THSD7B: variants seen among roughly 807,000 people sequenced by gnomAD.
THSD7B encodes the protein thrombospondin type 1 domain containing 7B.
In THSD7B, 138 loss-of-function variants were observed where a neutral mutation model predicts 213.6. The ratio of observed to expected loss-of-function variants is 0.65; its 90% CI spans 0.56 to 0.74. THSD7B has a LOEUF of 0.74. Among genes scored for constraint, THSD7B ranks in the 30% least tolerant of loss-of-function variants. The pLI is 0.00. For synonymous variants in THSD7B, 742 were observed against 687.0 expected (o/e 1.08, Z -1.25); for missense variants, 1,931 against 1,991.5 (o/e 0.97, Z 0.58).
intron 12 of THSD7B, among the ~76,000 whole-genome samples, chr2:137,369,612 A>G (rs1310136059): frequency 1.3e-5 from 2 of 152,178 alleles, no homozygotes; most frequent in Non-Finnish European, 2.9e-5. Flanking sequence ...AAAGCAAACC[A>G]TTGCCTTTGC....
At chr2:137,360,477 A>C (rs1341795507) in intron 12 of THSD7B, among the ~76,000 whole-genome samples, 1 of 152,182 alleles carries the variant, frequency 6.6e-6, no homozygotes, top group Non-Finnish European at 1.5e-5. Context: ...AAGCCATGAC[A>C]GACTGTACCA....
intron 9 of THSD7B, among the ~76,000 whole-genome samples, chr2:137,235,141 G>A (rs896879095): frequency 3.9e-5 from 6 of 152,082 alleles, no homozygotes; most frequent in African/African-American, 9.7e-5. Context: ...AAGGTGTTAC[G>A]CAGACATGAG....
intron 19 of THSD7B, among the ~76,000 whole-genome samples, chr2:137,620,138 G>A (rs1323284884): frequency 1.3e-5 from 2 of 152,190 alleles, no homozygotes; most frequent in Non-Finnish European, 2.9e-5. Flanking sequence ...GACCATGATT[G>A]TTTTTAGCCC....
intron 2 of THSD7B, among the ~76,000 whole-genome samples, chr2:136,890,019 C>T (rs979209933): frequency 2.0e-5 from 3 of 152,108 alleles, no homozygotes; most frequent in Non-Finnish European, 4.4e-5. Flanking sequence ...GTGTGACATT[C>T]AAGGTTAAAA....
intron 12 of THSD7B, among the ~76,000 whole-genome samples, chr2:137,306,565 T>C (rs923621366): frequency 2.6e-5 from 4 of 152,162 alleles, no homozygotes; most frequent in African/African-American, 9.6e-5. Flanking sequence ...TATTTTGTTC[T>C]TATTTTTTGC....
Position 137,645,054 on chromosome 2 carries a change from C to A in THSD7B, c.3945+2421C>A, listed in dbSNP as rs60369172. On this transcript the variant is annotated intron_variant, in intron 21 of 27. Transcript: ENST00000409968. ...GGAGTCTAGCAGCCCTAATTTTGGT[C>A]ATGGTTCTGCCAATTTTTAGTTCTG... 4.2e-3 allele frequency among the ~76,000 whole-genome samples: 645 copies of A among 152,240 alleles called. 8 individuals are homozygous for A. Among genetic ancestry groups the A allele is most frequent in the African/African-American group, 0.015 (632 of 41,560 alleles).
intron 12 of THSD7B, among the ~76,000 whole-genome samples, chr2:137,388,567 C>T (rs1685946697): frequency 6.6e-6 from 1 of 151,766 alleles, no homozygotes; most frequent in Admixed American, 6.6e-5. Context: ...AAAACATTGT[C>T]ATTACGTATA....
intron 2 of THSD7B, among the ~76,000 whole-genome samples, chr2:136,992,847 A>G (rs182243990): frequency 2.6e-5 from 4 of 152,320 alleles, no homozygotes; most frequent in Admixed American, 6.5e-5. Flanking sequence ...AAGACTACGC[A>G]TGGGTCATCC....
In THSD7B at chr2:137,094,986, G is replaced by C. The variant is rs1688014947; in HGVS notation, c.1064G>C (p.Gly355Ala). ...CCCTGCTCCAAGACATGCCGTTCAG[G>C]GAGTCTCTTGCCAGGATTTAGGAGC... ...WSPCSKTCRS[G>A]SLLPGFRSRS... is the part of the protein sequence containing the mutation. Residue 355 changes from glycine (G) to alanine (A), a missense_variant, in exon 4 of 28, where the codon GGG becomes GCG. Transcript: ENST00000409968. 6.2e-7 allele frequency: 1 copy of C among 1,613,730 alleles called. No homozygotes were observed. Among genetic ancestry groups the C allele is most frequent in the Non-Finnish European group, 8.5e-7 (1 of 1,179,862 alleles).
intron 2 of THSD7B, among the ~76,000 whole-genome samples, chr2:136,983,515 T>TC (rs1285689666): frequency 1.3e-4 from 20 of 151,704 alleles, no homozygotes; most frequent in East Asian, 7.8e-4. Context: ...TTTTTTTTTT[T>TC]TTCTGAGGAG....
chr2:137,226,858 A>G (rs1681518040), intron 7 of THSD7B, among the ~76,000 whole-genome samples: 1 of 146,838 alleles, frequency 6.8e-6, no homozygotes, highest in Non-Finnish European at 1.6e-5. Flanking sequence ...CGACAGATGA[A>G]TAAACACATT....
In THSD7B at chr2:137,271,770, A is replaced by G. The variant is rs185169794; in HGVS notation, c.2267-763A>G. Among the ~76,000 whole-genome samples, 201 of 152,140 alleles carry G rather than the reference A, an allele frequency of 1.3e-3. No homozygotes were observed. The Middle Eastern group carries it at 0.014, about 10-fold the overall frequency. On this transcript the variant is annotated intron_variant, in intron 10 of 27. Transcript: ENST00000409968. Reference sequence around the variant, plus strand: ...TGTGCATTTACAGTGCAAATAGTCTATCTTCCACATAGTAATTGAAGTAGT... The same window carrying G: ...TGTGCATTTACAGTGCAAATAGTCTGTCTTCCACATAGTAATTGAAGTAGT...
chr2:137,202,820 C>G (rs1364428205), intron 7 of THSD7B, among the ~76,000 whole-genome samples: 1 of 152,088 alleles, frequency 6.6e-6, no homozygotes, highest in Non-Finnish European at 1.5e-5. Context: ...TTCCAGATTT[C>G]TATTTGACTC....
At chr2:136,893,317 A>T (rs148695472) in intron 2 of THSD7B, among the ~76,000 whole-genome samples, 1 of 152,338 alleles carries the variant, frequency 6.6e-6, no homozygotes, top group East Asian at 1.9e-4. Context: ...GAGATACTGG[A>T]TTGACAATTT....
At chr2:137,373,357 C>T (rs1402035715) in intron 12 of THSD7B, among the ~76,000 whole-genome samples, 7 of 152,174 alleles carry the variant, frequency 4.6e-5, no homozygotes, top group Admixed American at 4.6e-4. Context: ...TCTCCAGCAC[C>T]TGTTGTTTCC....
chr2:137,592,520 C>G (rs1681884847), intron 17 of THSD7B, among the ~76,000 whole-genome samples: 1 of 151,982 alleles, frequency 6.6e-6, no homozygotes, highest in South Asian at 2.1e-4. Context: ...TTCATTATGA[C>G]AAAACTTCAA....
Position 137,002,168 on chromosome 2 carries a change from C to T in THSD7B, c.140-54252C>T, listed in dbSNP as rs183107573. Among the ~76,000 whole-genome samples, 156 of 152,194 alleles carry T rather than the reference C, an allele frequency of 1.0e-3. 1 individual carries two copies. The highest frequency in any genetic ancestry group is 3.7e-3 in the African/African-American group (154 of 41,526). On this transcript the variant is annotated intron_variant, in intron 2 of 27. Coordinates refer to ENST00000409968, the MANE Select transcript of THSD7B (RefSeq NM_001316349.2). ...TTCATCTTTTACAGTTTGTCAATAA[C>T]CTCTACTCATCTCCCCTCCTTGAAG...
intron 2 of THSD7B, among the ~76,000 whole-genome samples, chr2:136,991,237 A>G (rs1228371403): frequency 2.0e-5 from 3 of 152,198 alleles, no homozygotes; most frequent in African/African-American, 4.8e-5. Flanking sequence ...CAAAGCTCAA[A>G]GAGCTCACCA....
At chr2:137,026,552 C>T (rs995965433) in intron 2 of THSD7B, among the ~76,000 whole-genome samples, 1 of 152,134 alleles carries the variant, frequency 6.6e-6, no homozygotes, top group South Asian at 2.1e-4. Flanking sequence ...AATGAACTAG[C>T]CTTTTGATCT....
Sources: allele counts gnomAD v4.1 joint callset (sites outside exome capture counted in the v4.1 genomes callset), GRCh38; gene constraint gnomAD v4.1.1; transcripts MANE v1.5; gene names NCBI Gene and HGNC (gene_info 2026-07-23, HGNC 2026-07-21).